The following SEMA5A variants were observed in gnomAD, a reference collection of about 807,000 sequenced individuals.
SEMA5A encodes semaphorin-5A.
SEMA5A carries 55 observed loss-of-function variants against 135.5 expected under a neutral mutation model. The ratio of observed to expected loss-of-function variants is 0.41; its 90% CI spans 0.33 to 0.51. The LOEUF is 0.51. Ranked by LOEUF, SEMA5A falls within the 20% of genes least tolerant of loss-of-function variation. The probability of loss-of-function intolerance (pLI) is 0.37; values close to 1 mark genes in which losing one functional copy is unlikely to be tolerated. For missense variants in SEMA5A, 1,290 were observed against 1,419.9 expected, an observed-to-expected ratio of 0.91 and a Z score of 1.47; for synonymous variants, 580 against 546.5, an observed-to-expected ratio of 1.06 and a Z score of -0.85.
At chr5:9,164,490 T>C (rs1304309214) in intron 11 of SEMA5A, among the ~76,000 whole-genome samples, 1 of 151,916 alleles carries the variant, frequency 6.6e-6, no homozygotes, top group Admixed American at 6.6e-5. Context: ...TTTAACCTTG[T>C]ACTATAACCT....
At chr5:9,179,149 C>T (rs1744367862) in intron 11 of SEMA5A, among the ~76,000 whole-genome samples, 3 of 152,178 alleles carry the variant, frequency 2.0e-5, no homozygotes, top group Non-Finnish European at 4.4e-5. Context: ...AAGAGGACAG[C>T]AGGTTTGGGA....
chr5:9,110,405 G>C (rs1276646352), intron 15 of SEMA5A, among the ~76,000 whole-genome samples: 1 of 152,150 alleles, frequency 6.6e-6, no homozygotes, highest in Non-Finnish European at 1.5e-5. Context: ...AGAGCCCATA[G>C]AACAAACAGC....
chr5:9,264,665 C>G (rs1213263538), intron 5 of SEMA5A, among the ~76,000 whole-genome samples: 1 of 152,080 alleles, frequency 6.6e-6, no homozygotes, highest in Non-Finnish European at 1.5e-5. Flanking sequence ...CACCTCCCAC[C>G]CTGAGGTCAC....
chr5:9,418,389 A>C (rs1413421076), intron 2 of SEMA5A, among the ~76,000 whole-genome samples: 3 of 152,190 alleles, frequency 2.0e-5, no homozygotes, highest in Non-Finnish European at 4.4e-5. Flanking sequence ...TTAGGATTTC[A>C]ACATATGCAT....
At chr5:9,124,655 C>T (rs1287945671) in intron 13 of SEMA5A, among the ~76,000 whole-genome samples, 1 of 152,118 alleles carries the variant, frequency 6.6e-6, no homozygotes, top group Non-Finnish European at 1.5e-5. Flanking sequence ...AGGGTTTCAC[C>T]ATGTTGGCCA....
chr5:9,241,397 T>C (rs1446813031), intron 5 of SEMA5A, among the ~76,000 whole-genome samples: 2 of 151,960 alleles, frequency 1.3e-5, no homozygotes, highest in African/African-American at 2.4e-5. Flanking sequence ...CAATACAGCA[T>C]AAGTGTATTC....
Position 9,372,331 on chromosome 5 carries a change from G to A in SEMA5A, c.124+7492C>T, listed in dbSNP as rs539090594. Among the ~76,000 whole-genome samples, 12 of 152,300 alleles carry A rather than the reference G, an allele frequency of 7.9e-5. No homozygotes were observed. The East Asian group carries it at 1.9e-3, about 25-fold the overall frequency. On this transcript the variant is annotated intron_variant, in intron 3 of 22. Transcript: ENST00000382496. ...GAAGAAACAGAGCATCATGAGACAC[G>A]CATGGAGCCATGGGACACGCATGGA...
chr5:9,084,232 A>G (rs1738554297), intron 16 of SEMA5A, among the ~76,000 whole-genome samples: 1 of 152,218 alleles, frequency 6.6e-6, no homozygotes, highest in South Asian at 2.1e-4. Context: ...TCCAGCAGTC[A>G]TCCAAATTAA....
intron 8 of SEMA5A, among the ~76,000 whole-genome samples, chr5:9,218,265 T>C (rs1455510158): frequency 2.6e-5 from 4 of 152,226 alleles, no homozygotes; most frequent in African/African-American, 9.6e-5. Context: ...GCTACCCTGT[T>C]TGTGGTACTT....
intron 1 of SEMA5A, among the ~76,000 whole-genome samples, chr5:9,505,233 C>T (rs759450224): frequency 5.3e-5 from 8 of 152,292 alleles, no homozygotes; most frequent in Non-Finnish European, 1.2e-4. Flanking sequence ...AGTTCCCTTT[C>T]CCTGCCCTGA....
chr5:9,282,594 T>C (rs771590301), intron 5 of SEMA5A, among the ~76,000 whole-genome samples: 35 of 152,172 alleles, frequency 2.3e-4, no homozygotes, highest in Non-Finnish European at 3.5e-4. Context: ...ATACTTTTTC[T>C]AGAAAATAAG....
chr5:9,222,422 G>A (rs545020180), intron 8 of SEMA5A, among the ~76,000 whole-genome samples: 40 of 152,172 alleles, frequency 2.6e-4, no homozygotes, highest in Non-Finnish European at 5.6e-4. Context: ...CTCAGGCAGG[G>A]CTCTTGGTTT....
intron 1 of SEMA5A, among the ~76,000 whole-genome samples, chr5:9,515,956 A>G (rs1445679634): frequency 6.6e-6 from 1 of 152,234 alleles, no homozygotes; most frequent in African/African-American, 2.4e-5. Context: ...CTTTTCTCTT[A>G]TTAAATCATT....
intron 2 of SEMA5A, among the ~76,000 whole-genome samples, chr5:9,415,859 T>G (rs1262698777): frequency 6.6e-6 from 1 of 152,224 alleles, no homozygotes; most frequent in Admixed American, 6.5e-5. Context: ...ATCTCTGATG[T>G]AGCTGAAAGA....
chr5:9,454,944 G>C (rs1758775835), intron 1 of SEMA5A, among the ~76,000 whole-genome samples: 1 of 152,060 alleles, frequency 6.6e-6, no homozygotes, highest in Non-Finnish European at 1.5e-5. Flanking sequence ...ACTAATAAAG[G>C]GATACACGTA....
intron 16 of SEMA5A, among the ~76,000 whole-genome samples, chr5:9,096,554 C>CTGTGTGTG (rs56202626): frequency 0.037 from 5,332 of 144,436 alleles, 233 homozygotes; most frequent in African/African-American, 0.1. Context: ...TAATATTCCA[C>CTGTGTGTG]TGTGTGTGTG....
chr5:9,134,847 C>T (rs1285465683), intron 13 of SEMA5A, among the ~76,000 whole-genome samples: 1 of 152,112 alleles, frequency 6.6e-6, no homozygotes, highest in African/African-American at 2.4e-5. Flanking sequence ...TATGTTTTAT[C>T]AAGCTGCAAA....
intron 16 of SEMA5A, among the ~76,000 whole-genome samples, chr5:9,105,391 TG>T (rs1281736616): frequency 1.7e-4 from 26 of 152,248 alleles, no homozygotes; most frequent in African/African-American, 6.0e-4. Context: ...TTCTAACCGA[TG>T]CATACTTGAA....
intron 1 of SEMA5A, among the ~76,000 whole-genome samples, chr5:9,451,389 G>T (rs1758639419): frequency 1.3e-5 from 2 of 152,136 alleles, no homozygotes; most frequent in South Asian, 4.1e-4. Context: ...GGAACAAACT[G>T]CCTTGCCCTA....
Sources: gnomAD v4.1 joint callset for allele counts (sites outside exome capture counted in the v4.1 genomes callset) on GRCh38, gnomAD v4.1.1 for gene constraint, MANE v1.5 for transcripts, NCBI Gene and HGNC (gene_info 2026-07-23, HGNC 2026-07-21) for gene names.